The following MGAM variants were observed in gnomAD, a reference collection of about 807,000 sequenced individuals.
MGAM encodes maltase-glucoamylase, also known as alpha-1,4-glucosidase.
Under a neutral mutation model 358.8 loss-of-function variants are expected in MGAM, and 253 were observed. That is an observed-to-expected ratio of 0.71 (90% CI 0.64 to 0.78). The LOEUF (loss-of-function observed/expected upper bound fraction) is 0.78. Among genes scored for constraint, MGAM ranks in the 30% least tolerant of loss-of-function variants. The probability of loss-of-function intolerance (pLI) is 0.00; values close to 1 mark genes in which losing one functional copy is unlikely to be tolerated. For synonymous variants in MGAM, 1,105 were observed against 1,227.1 expected (o/e 0.90, Z 2.08); for missense variants, 3,080 against 3,432.6 (o/e 0.90, Z 2.57).
intron 26 of MGAM, among the ~76,000 whole-genome samples, chr7:142,053,774 C>A (rs1197198813): frequency 2.6e-5 from 4 of 152,140 alleles, no homozygotes; most frequent in Non-Finnish European, 4.4e-5. Context: ...TCTTTACAAT[C>A]TGACATCAAC....
rs1491233465 is a variant in MGAM, at chr7:142,043,203, ATT to A, written c.2498+2358_2498+2359del. On this transcript the variant is annotated intron_variant, in intron 21 of 70. Coordinates refer to ENST00000475668, the MANE Select transcript of MGAM (RefSeq NM_001365693.1). Reference sequence around the variant, plus strand: ...TATAATATCTAAATATAATATATATATTATATATACATATAATATCTAAATAT... The same window carrying A: ...TATAATATCTAAATATAATATATATAATATATACATATAATATCTAAATAT... Among the ~76,000 whole-genome samples, 5 of 12,504 alleles carry A rather than the reference ATT, an allele frequency of 4.0e-4. 1 individual carries two copies. Among genetic ancestry groups the A allele is most frequent in the African/African-American group, 2.4e-3 (5 of 2,066 alleles). The allele number at this position is 12,504 out of a possible 152,430, so 8.2% of individuals were successfully genotyped here.
rs766048225 is a variant in MGAM, at chr7:142,040,148, G to A, written c.2350G>A (p.Ala784Thr). Residue 784 changes from alanine (A) to threonine (T), a missense_variant, in exon 20 of 71, where the codon GCT becomes ACT. Transcript: ENST00000475668. ...AEKVMAYVPD[A>T]VWYDYETGSQ... Reference sequence around the variant, plus strand: ...GAAAGTGATGGCATATGTGCCTGATGCTGTCTGGTATGACTACGAGACTGT... The same window carrying A: ...GAAAGTGATGGCATATGTGCCTGATACTGTCTGGTATGACTACGAGACTGT... The A allele has an allele frequency of 1.2e-6, 2 of 1,612,598 alleles. No homozygotes were observed. Among genetic ancestry groups the A allele is most frequent in the African/African-American group, 2.7e-5 (2 of 74,914 alleles).
intron 21 of MGAM, among the ~76,000 whole-genome samples, chr7:142,042,414 T>A (rs1357375074): frequency 7.2e-5 from 1 of 13,804 alleles, no homozygotes; most frequent in Non-Finnish European, 1.4e-4. Context: ...ATAACATATA[T>A]TATATATACA....
At position 142,069,862 on chromosome 7, in the gene MGAM, G is replaced by T. The variant is rs1391001554; in HGVS notation, c.5062-1132G>T. On this transcript the variant is annotated intron_variant, in intron 43 of 70. Transcript: ENST00000475668. ...CAGAAGATATCTTTGATGGAAGAGG[G>T]AAAGACAAAAGAAGTCATGGAGCAA... is the stretch of plus-strand genomic sequence containing the variant. Among the ~76,000 whole-genome samples, 4 of 145,462 alleles carry T rather than the reference G, an allele frequency of 2.7e-5. 1 individual carries two copies. Among genetic ancestry groups the T allele is most frequent in the African/African-American group, 9.8e-5 (4 of 41,002 alleles).
intron 14 of MGAM, 108 bp downstream of exon 14, chr7:142,033,017 A>G: frequency 1.5e-6 from 1 of 645,650 alleles, no homozygotes; most frequent in South Asian, 2.7e-5. Context: ...ATAATTGTGC[A>G]TAGAAAAAGA....
rs1423141462 is a variant in MGAM at position 142,054,787 on chromosome 7, C to T, written c.3193C>T (p.Pro1065Ser). 5 of 1,613,878 alleles carry T rather than the reference C, an allele frequency of 3.1e-6. No individual in the cohort carries two copies. In the South Asian group the frequency reaches 4.4e-5, roughly 14 times the overall value. Residue 1065 changes from proline (P) to serine (S), a missense_variant, in exon 27 of 71, where the codon CCA becomes TCA. By Grantham distance (74) the Pro-to-Ser change is moderately conservative (BLOSUM62 -1). Transcript: ENST00000475668. ...YDPNKNRYEV[P>S]VPLNIPSMPS... ...TCCCAACAAGAATCGGTATGAAGTT[C>T]CAGTCCCTCTGAACATACCCAGCAT... is the stretch of plus-strand genomic sequence containing the variant.
intron 1 of MGAM, among the ~76,000 whole-genome samples, chr7:141,997,658 CT>C (rs1804364468): frequency 6.6e-6 from 1 of 152,068 alleles, no homozygotes; most frequent in Admixed American, 6.6e-5. Context: ...AGAGATGATC[CT>C]TTTGCAGTTC....
At position 142,052,915 on chromosome 7, in the gene MGAM, C is replaced by A; in HGVS notation, c.3090C>A (p.Phe1030Leu). 2 of 1,613,902 alleles carry A rather than the reference C, an allele frequency of 1.2e-6. No homozygotes were observed. Among genetic ancestry groups the A allele is most frequent in the Non-Finnish European group, 1.7e-6 (2 of 1,179,840 alleles). ...AGTCTTCCGTTTATGCCAATGCCTT[C>A]CCCTCCACACCCGTGAACCCCCTTC... is the stretch of plus-strand genomic sequence containing the variant. Reference protein sequence around the residue: ...SLKSSVYANAFPSTPVNPLRL... With the variant: ...SLKSSVYANALPSTPVNPLRL... The change falls in exon 26 of 71, where the codon TTC becomes TTA. Residue 1030 changes from phenylalanine to leucine, a missense_variant. Phe to Leu is a conservative substitution (Grantham distance 22). This residue lies in a region of MGAM where 1,816 missense variants were observed against 1,840.5 expected (regional missense o/e 0.99). Coordinates refer to ENST00000475668, the MANE Select transcript of MGAM (RefSeq NM_001365693.1).
rs1813726482 is a variant in MGAM, at chr7:142,076,290, T to C, written c.5325+38T>C. Reference sequence around the variant, plus strand: ...TTTTTATGAATCTTAGGTGTGGGCTTTGGACTGACCATTAGCACATCTGTG... The same window carrying C: ...TTTTTATGAATCTTAGGTGTGGGCTCTGGACTGACCATTAGCACATCTGTG... On this transcript the variant is annotated intron_variant, in intron 46 of 70. Coordinates refer to ENST00000475668, the MANE Select transcript of MGAM (RefSeq NM_001365693.1). The C allele has an allele frequency of 7.6e-6, 11 of 1,454,028 alleles. 2 individuals carry two copies. The highest frequency in any genetic ancestry group is 1.1e-5 in the Non-Finnish European group (11 of 1,044,202). 90.1% of individuals were successfully genotyped at this position (1,454,028 alleles called of 1,614,324 possible). A position where few individuals can be genotyped will look rare whatever the true frequency, so the allele number is the denominator to read the frequency against.
At chr7:142,094,980 T>C in intron 63 of MGAM, 117 bp downstream of exon 63, 1 of 1,081,010 alleles carries the variant, frequency 9.3e-7, no homozygotes. Flanking sequence ...TTTTTTTTCT[T>C]TTGAGACAAA....
At chr7:142,042,191 T>A (rs1301539571) in intron 21 of MGAM, among the ~76,000 whole-genome samples, 38 of 1,746 alleles carry the variant, frequency 0.022, 10 homozygotes, top group Middle Eastern at 0.12. Context: ...ATATTATATA[T>A]ACATATAATA....
chr7:142,068,778 AGG>A, intron 43 of MGAM, 75 bp downstream of exon 43: 1 of 1,207,582 alleles, frequency 8.3e-7, no homozygotes, highest in Non-Finnish European at 1.2e-6. Flanking sequence ...GATAGACCTT[AGG>A]TCAAATGCTG....
At chr7:142,093,037 A>G (rs1290328020) in intron 59 of MGAM, among the ~76,000 whole-genome samples, 1 of 146,516 alleles carries the variant, frequency 6.8e-6, no homozygotes, top group East Asian at 2.0e-4. Flanking sequence ...GAGTTTTGTG[A>G]CTTTTCACAG....
At chr7:142,045,526 G>GA (rs1810131946) in intron 21 of MGAM, among the ~76,000 whole-genome samples, 3 of 85,592 alleles carry the variant, frequency 3.5e-5, no homozygotes, top group African/African-American at 1.4e-4. Flanking sequence ...TATAATATAT[G>GA]ATATAATATA....
At chr7:142,021,531 G>T in intron 5 of MGAM, 55 bp from the exon 6 acceptor site, 3 of 1,550,954 alleles carry the variant, frequency 1.9e-6, no homozygotes, top group Non-Finnish European at 2.6e-6. Context: ...AGGGATATTG[G>T]GAAGCTCTGA....
intron 30 of MGAM, among the ~76,000 whole-genome samples, chr7:142,057,905 G>A (rs1281543254): frequency 6.6e-6 from 1 of 152,090 alleles, no homozygotes; most frequent in Admixed American, 6.5e-5. Flanking sequence ...TAGCAGGATT[G>A]GAGCCTGTAT....
chr7:142,069,375 G>A (rs1813138508), intron 43 of MGAM, among the ~76,000 whole-genome samples: 2 of 145,956 alleles, frequency 1.4e-5, no homozygotes, highest in African/African-American at 4.9e-5. Context: ...CAGCTCTGGG[G>A]TGGTGGGCTC....
At chr7:142,045,257 T>A (rs1418668468) in intron 21 of MGAM, among the ~76,000 whole-genome samples, 6 of 102,880 alleles carry the variant, frequency 5.8e-5, no homozygotes, top group African/African-American at 1.7e-4. Context: ...ATATGATATA[T>A]AATATATATT....
chr7:142,055,449 A>T, intron 27 of MGAM, 109 bp from the exon 28 acceptor site: 1 of 1,372,930 alleles, frequency 7.3e-7, no homozygotes, highest in Non-Finnish European at 1.0e-6. Context: ...TTGGGATATG[A>T]ACAGCTTCTT....
Sources: allele counts gnomAD v4.1 joint callset (sites outside exome capture counted in the v4.1 genomes callset), GRCh38; gene constraint gnomAD v4.1.1; regional missense constraint gnomAD v4.1.1; transcripts MANE v1.5; gene names NCBI Gene and HGNC (gene_info 2026-07-23, HGNC 2026-07-21).